The following LOXL2 variants were observed in gnomAD, a reference collection of about 807,000 sequenced individuals.
LOXL2 encodes lysyl oxidase homolog 2.
LOXL2 carries 70 observed loss-of-function variants against 93.0 expected under a neutral mutation model. The ratio of observed to expected loss-of-function variants is 0.75; its 90% CI spans 0.62 to 0.92. The LOEUF is 0.92. LOXL2 is among the 40% of genes least tolerant of loss of function. The probability of loss-of-function intolerance (pLI) is 0.00; values close to 1 mark genes in which losing one functional copy is unlikely to be tolerated. For missense variants in LOXL2, 973 were observed against 1,054.9 expected, an observed-to-expected ratio of 0.92 and a Z score of 1.08; for synonymous variants, 438 against 413.2, an observed-to-expected ratio of 1.06 and a Z score of -0.73.
intron 10 of LOXL2, among the ~76,000 whole-genome samples, chr8:23,306,798 C>G (rs1440111421): frequency 6.6e-6 from 1 of 152,248 alleles, no homozygotes; most frequent in Non-Finnish European, 1.5e-5. Context: ...GCATCTGTGC[C>G]CCATGCTTTG....
chr8:23,386,008 A>T (rs1334993026), intron 1 of LOXL2: 1 of 765,214 alleles, frequency 1.3e-6, no homozygotes, highest in African/African-American at 1.7e-5. Context: ...AGCTTTGGAC[A>T]ACCCCCTGAG....
chr8:23,398,142 C>A (rs918854447), intron 1 of LOXL2, among the ~76,000 whole-genome samples: 1 of 152,036 alleles, frequency 6.6e-6, no homozygotes, highest in African/African-American at 2.4e-5. Context: ...AGCCTGGGGG[C>A]AAAAGAAGTT....
intron 1 of LOXL2, among the ~76,000 whole-genome samples, chr8:23,396,346 AC>A (rs1800089113): frequency 1.3e-5 from 2 of 151,912 alleles, no homozygotes; most frequent in Non-Finnish European, 2.9e-5. Flanking sequence ...AAACAAACAA[AC>A]AAACAAAAAA....
chr8:23,388,358 G>A (rs1437273179), intron 1 of LOXL2, among the ~76,000 whole-genome samples: 3 of 152,072 alleles, frequency 2.0e-5, no homozygotes, highest in Non-Finnish European at 4.4e-5. Flanking sequence ...TGGGATGATT[G>A]CTTCAGCTCA....
intron 3 of LOXL2, among the ~76,000 whole-genome samples, chr8:23,348,693 C>T (rs925850831): frequency 3.3e-5 from 5 of 152,082 alleles, no homozygotes; most frequent in African/African-American, 4.8e-5. Flanking sequence ...CCTGCTACCA[C>T]GGTGAAACCC....
chr8:23,353,936 C>CA (rs1044424687), intron 3 of LOXL2, among the ~76,000 whole-genome samples: 33 of 152,224 alleles, frequency 2.2e-4, no homozygotes, highest in African/African-American at 7.7e-4. Context: ...TTGGTGGGGT[C>CA]ACTTATATGA....
chr8:23,319,859 CG>C lies in LOXL2; in HGVS notation c.1470+25del, dbSNP rs747371950. On this transcript the variant is annotated intron_variant, in intron 8 of 13. Transcript: ENST00000389131. The stretch of plus-strand genomic sequence containing the variant: ...GGTCAGACTGCATGGGGGGTGAATG[CG>C]GGGTCTGAGGCCGGGGCTTCTCACC... 1.9e-6 allele frequency: 3 copies of C among 1,607,476 alleles called. No individual in the cohort carries two copies. The African/African-American group carries it at 4.0e-5, about 21-fold the overall frequency.
intron 6 of LOXL2, among the ~76,000 whole-genome samples, chr8:23,324,614 C>T (rs1803548472): frequency 6.6e-6 from 1 of 152,174 alleles, no homozygotes; most frequent in South Asian, 2.1e-4. Context: ...CCCTGAATTG[C>T]TCCTCCTCAT....
chr8:23,361,975 T>C (rs1246523391), intron 2 of LOXL2, among the ~76,000 whole-genome samples: 1 of 152,176 alleles, frequency 6.6e-6, no homozygotes, highest in Non-Finnish European at 1.5e-5. Context: ...AACAGTACGG[T>C]GTTTCCTTAA....
intron 1 of LOXL2, among the ~76,000 whole-genome samples, chr8:23,390,764 T>C (rs1374714794): frequency 6.6e-6 from 1 of 152,148 alleles, no homozygotes; most frequent in African/African-American, 2.4e-5. Flanking sequence ...AAATCCAAAA[T>C]TGGTGATTTT....
Position 23,298,844 on chromosome 8 carries a change from C to T in LOXL2, c.2237G>A (p.Cys746Tyr). 1.2e-6 allele frequency: 2 copies of T among 1,609,930 alleles called. No individual in the cohort carries two copies. The highest frequency in any genetic ancestry group is 1.7e-6 in the Non-Finnish European group (2 of 1,176,378). The change falls in exon 13 of 14, where the codon TGC (cysteine) becomes TAC (tyrosine). Residue 746 changes from cysteine (C) to tyrosine (Y), a missense_variant. Coordinates refer to ENST00000389131, the MANE Select transcript of LOXL2 (RefSeq NM_002318.3). The part of the protein sequence containing the change: ...YDGHRIWMYN[C>Y]HIGGSFSEET... ...GGGCGGCCTGGCCTTACCTATGTGG[C>T]AGTTGTACATCCAGATGCGGTGGCC...
chr8:23,312,380 C>T (rs1195663091), intron 9 of LOXL2, among the ~76,000 whole-genome samples: 1 of 141,956 alleles, frequency 7.0e-6, no homozygotes, highest in East Asian at 2.0e-4. Context: ...CCTTGAGGAA[C>T]ATTGATGCAA....
rs535039444 is a variant in LOXL2, at chr8:23,384,262, C to T, written c.-83-15828G>A. Reference sequence around the variant, plus strand: ...GGTGCAGAGCAAGGCATGATCCCAGCGAAGCACAGCTGACTTCCAAGGCAA... The same window carrying T: ...GGTGCAGAGCAAGGCATGATCCCAGTGAAGCACAGCTGACTTCCAAGGCAA... On this transcript the variant is annotated intron_variant, in intron 1 of 13. Transcript: ENST00000389131. 2.4e-4 allele frequency among the ~76,000 whole-genome samples: 36 copies of T among 152,290 alleles called. No individual in the cohort carries two copies. The South Asian group carries it at 6.4e-3, about 27-fold the overall frequency.
intron 3 of LOXL2, among the ~76,000 whole-genome samples, chr8:23,352,178 A>G (rs893213443): frequency 2.0e-5 from 3 of 152,200 alleles, no homozygotes; most frequent in African/African-American, 7.2e-5. Context: ...GGAGAGCTAC[A>G]TCTAATTGTC....
Position 23,297,841 on chromosome 8 carries a change from C to A in LOXL2, c.*202G>T, listed in dbSNP as rs1164356694. 7.3e-6 allele frequency: 4 copies of A among 545,994 alleles called. No homozygotes were observed. The Admixed American group carries it at 1.3e-4, about 18-fold the overall frequency. The allele number at this position is 545,994 out of a possible 1,614,324, so 33.8% of individuals were successfully genotyped here. A position where few individuals can be genotyped will look rare whatever the true frequency, so the allele number is the denominator to read the frequency against. On this transcript the variant is annotated 3_prime_UTR_variant, in exon 14 of 14. Transcript: ENST00000389131. ...CCACCCCCGCAAGGCCTTCTCAGGCCCCAAGGGTCAGGTAGCAGCCCCCCA... is the reference window on the plus strand; with the variant it reads ...CCACCCCCGCAAGGCCTTCTCAGGCACCAAGGGTCAGGTAGCAGCCCCCCA...
At chr8:23,393,566 C>G (rs557651499) in intron 1 of LOXL2, among the ~76,000 whole-genome samples, 1 of 152,160 alleles carries the variant, frequency 6.6e-6, no homozygotes, top group Non-Finnish European at 1.5e-5. Flanking sequence ...GATCAAAGAC[C>G]TTAATGTAAA....
At chr8:23,342,589 A>G (rs955014239) in intron 3 of LOXL2, among the ~76,000 whole-genome samples, 32 of 150,500 alleles carry the variant, frequency 2.1e-4, no homozygotes, top group Admixed American at 4.0e-4. Context: ...ACGCCACCAC[A>G]CCCGGCCAAT....
chr8:23,350,559 A>C (rs897457253), intron 3 of LOXL2, among the ~76,000 whole-genome samples: 2 of 152,198 alleles, frequency 1.3e-5, no homozygotes, highest in Non-Finnish European at 2.9e-5. Context: ...AACAAGAGCG[A>C]AACTCCATCT....
intron 3 of LOXL2, among the ~76,000 whole-genome samples, chr8:23,350,302 G>C (rs1316310773): frequency 1.3e-5 from 2 of 152,156 alleles, no homozygotes; most frequent in Non-Finnish European, 2.9e-5. Flanking sequence ...TGGGGGACTG[G>C]GCACAGTGGC....
Sources: gnomAD v4.1 joint callset for allele counts (sites outside exome capture counted in the v4.1 genomes callset) on GRCh38, gnomAD v4.1.1 for gene constraint, MANE v1.5 for transcripts, NCBI Gene and HGNC (gene_info 2026-07-23, HGNC 2026-07-21) for gene names.